KIF3A: variants seen among roughly 807,000 people sequenced by gnomAD.
The protein encoded by KIF3A is kinesin family member 3A, also known as kinesin-like protein KIF3A.
In KIF3A, 27 loss-of-function variants were observed where a neutral mutation model predicts 92.6. The observed-to-expected ratio is 0.29, with a 90% CI of 0.21 to 0.40. KIF3A has a LOEUF of 0.40. Ranked by LOEUF, KIF3A falls within the 10% of genes least tolerant of loss-of-function variation. KIF3A has a pLI of 1.00. For synonymous variants in KIF3A, 250 were observed against 275.4 expected (o/e 0.91, Z 0.92); for missense variants, 581 against 872.6 (o/e 0.67, Z 4.21).
At chr5:132,736,317 G>A (rs1386356078) in intron 1 of KIF3A, among the ~76,000 whole-genome samples, 6 of 152,196 alleles carry the variant, frequency 3.9e-5, no homozygotes, top group Non-Finnish European at 7.4e-5. Context: ...CTCTTCTTGG[G>A]AGGAAAAAAA....
At chr5:132,734,592 A>G in intron 1 of KIF3A, 114 bp from the exon 2 acceptor site, 1 of 803,910 alleles carries the variant, frequency 1.2e-6, no homozygotes, top group Non-Finnish European at 1.9e-6. Flanking sequence ...TGCACACATT[A>G]AACACTTCAC....
At chr5:132,699,121 T>C in intron 18 of KIF3A, 50 bp downstream of exon 18, 1 of 1,555,116 alleles carries the variant, frequency 6.4e-7, no homozygotes, top group East Asian at 2.2e-5. Flanking sequence ...ATGTATCTAA[T>C]TAGAATACCT....
chr5:132,690,405 T>C (rs575448755), downstream of KIF3A, among the ~76,000 whole-genome samples: 1 of 151,546 alleles, frequency 6.6e-6, no homozygotes, highest in South Asian at 2.1e-4. Flanking sequence ...AACAAAGTCA[T>C]TTGAGACACA....
At chr5:132,724,806 A>AAAAATTAT (rs59476182) in intron 4 of KIF3A, among the ~76,000 whole-genome samples, 2 of 22,694 alleles carry the variant, frequency 8.8e-5, no homozygotes, top group African/African-American at 3.6e-4. Flanking sequence ...AAAAAAAAAA[A>AAAAATTAT]ATATATATAT....
Position 132,737,484 on chromosome 5 carries a change from G to C in KIF3A, c.-65C>G. 6.3e-7 allele frequency: 1 copy of C among 1,580,144 alleles called. No individual in the cohort carries two copies. The highest frequency in any genetic ancestry group is 8.6e-7 in the Non-Finnish European group (1 of 1,161,706). Reference sequence around the variant, plus strand: ...GGTGCAGCCCAGCGACACCGGGTGCGCAGAAAGGATGGCCAGAGACTACCG... The same window carrying C: ...GGTGCAGCCCAGCGACACCGGGTGCCCAGAAAGGATGGCCAGAGACTACCG... On this transcript the variant is annotated 5_prime_UTR_variant, in exon 1 of 19. Coordinates refer to ENST00000403231, the MANE Select transcript of KIF3A (RefSeq NM_001300791.2).
Position 132,703,101 on chromosome 5 carries a change from A to T in KIF3A, c.1467-36T>A, listed in dbSNP as rs113292672. 627 of 1,506,396 alleles carry T rather than the reference A, an allele frequency of 4.2e-4. 6 individuals are homozygous for T. The African/African-American group carries it at 7.2e-3, about 17-fold the overall frequency. The allele number at this position is 1,506,396 out of a possible 1,614,324, so 93.3% of individuals were successfully genotyped here. A position where few individuals can be genotyped will look rare whatever the true frequency, so the allele number is the denominator to read the frequency against. ...GAATGAGAATACTCTATATTCACTG[A>T]TGATCTATTATTCTACTAATATCAT... On this transcript the variant is annotated intron_variant, in intron 12 of 18. Coordinates refer to ENST00000403231, the MANE Select transcript of KIF3A (RefSeq NM_001300791.2).
rs1753630843 is a variant in KIF3A at position 132,716,571 on chromosome 5, A to G, written c.757-129T>C. On this transcript the variant is annotated intron_variant, in intron 6 of 18. Coordinates refer to ENST00000403231, the MANE Select transcript of KIF3A (RefSeq NM_001300791.2). ...TGATGCCTGAATTCACTTCAAAATAATATAGGAAAGGAAGAAGTGGGGGAG... is the reference window on the plus strand; with the variant it reads ...TGATGCCTGAATTCACTTCAAAATAGTATAGGAAAGGAAGAAGTGGGGGAG... 5 of 811,348 alleles carry G rather than the reference A, an allele frequency of 6.2e-6. No homozygotes were observed. The South Asian group carries it at 9.1e-5, about 15-fold the overall frequency. The allele number at this position is 811,348 out of a possible 1,614,324, so 50.3% of individuals were successfully genotyped here. A position where few individuals can be genotyped will look rare whatever the true frequency, so the allele number is the denominator to read the frequency against.
At chr5:132,730,407 C>T (rs1754186406) in intron 2 of KIF3A, among the ~76,000 whole-genome samples, 1 of 149,056 alleles carries the variant, frequency 6.7e-6, no homozygotes, top group Non-Finnish European at 1.5e-5. Flanking sequence ...GCAGAGGAGA[C>T]AGTGAGCCGA....
chr5:132,702,004 GTATT>G (rs1363454056), intron 15 of KIF3A, 79 bp downstream of exon 15: 15 of 1,352,868 alleles, frequency 1.1e-5, no homozygotes, highest in Non-Finnish European at 1.5e-5. Context: ...GAAGTATTAA[GTATT>G]TATCATCAGT....
intron 3 of KIF3A, 24 bp downstream of exon 3, chr5:132,726,330 G>C: frequency 6.2e-7 from 1 of 1,610,542 alleles, no homozygotes; most frequent in Non-Finnish European, 8.5e-7. Context: ...CTCAATATCA[G>C]AAAATAAAAG....
At chr5:132,731,712 CA>C (rs1203461823) in intron 2 of KIF3A, among the ~76,000 whole-genome samples, 2 of 150,462 alleles carry the variant, frequency 1.3e-5, no homozygotes, top group African/African-American at 5.0e-5. Context: ...TTGCAAACAA[CA>C]TTTTTTTTTT....
chr5:132,717,404 C>T (rs895731145), intron 5 of KIF3A, among the ~76,000 whole-genome samples: 1 of 151,988 alleles, frequency 6.6e-6, no homozygotes, highest in Non-Finnish European at 1.5e-5. Flanking sequence ...GCACAAGAAT[C>T]ACTTGAATCC....
At chr5:132,715,709 A>G (rs1581082740) in intron 8 of KIF3A, 48 bp downstream of exon 8, 1 of 1,427,802 alleles carries the variant, frequency 7.0e-7, no homozygotes, top group Non-Finnish European at 9.7e-7. Flanking sequence ...GTGGTTCAAC[A>G]ATGTATTTTT....
At chr5:132,736,202 G>A (rs1215763360) in intron 1 of KIF3A, among the ~76,000 whole-genome samples, 3 of 152,210 alleles carry the variant, frequency 2.0e-5, no homozygotes, top group Admixed American at 6.5e-5. Flanking sequence ...GTAGTCAAGA[G>A]GCTGAATTCA....
At chr5:132,723,720 C>T (rs1396915293) in intron 4 of KIF3A, 4 of 152,132 alleles carry the variant, frequency 2.6e-5, no homozygotes, top group Admixed American at 1.3e-4. Context: ...TAGGCAATAC[C>T]ATTCAGGACA....
At chr5:132,710,811 G>T in intron 9 of KIF3A, 148 bp downstream of exon 9, 1 of 1,050,124 alleles carries the variant, frequency 9.5e-7, no homozygotes, top group Non-Finnish European at 1.4e-6. Flanking sequence ...GAGAAAAAAT[G>T]CAAAGTTAAC....
Position 132,710,981 on chromosome 5 carries a change from T to G in KIF3A, c.1206A>C (p.Gly402=), listed in dbSNP as rs1753402473. The G allele has an allele frequency of 4.3e-6, 7 of 1,612,786 alleles. No individual in the cohort carries two copies. In the South Asian group the frequency reaches 5.5e-5, roughly 13 times the overall value. Residue 402 remains glycine, a synonymous_variant, in exon 9 of 19, where the codon GGA becomes GGC. Coordinates refer to ENST00000403231, the MANE Select transcript of KIF3A (RefSeq NM_001300791.2). ...DDEEGEVGED[G]EKRKKRRGSS... is the part of the protein sequence containing the mutation. ...TACCCCTTCTTTTTTTCCTTTTCTC[T>G]CCATCTTCTCCAACCTCACCCTCTT...
chr5:132,719,667 T>C (rs921206689), intron 5 of KIF3A, among the ~76,000 whole-genome samples: 1 of 151,982 alleles, frequency 6.6e-6, no homozygotes. Flanking sequence ...AATTTTTGTA[T>C]TTTTAGTAGA....
chr5:132,702,278 A>G, intron 14 of KIF3A, 66 bp from the exon 15 acceptor site: 1 of 1,476,910 alleles, frequency 6.8e-7, no homozygotes, highest in East Asian at 2.3e-5. Flanking sequence ...GCACCATCTC[A>G]CATAGGATGC....
Sources: gnomAD v4.1 joint callset for allele counts (sites outside exome capture counted in the v4.1 genomes callset) on GRCh38, gnomAD v4.1.1 for gene constraint, MANE v1.5 for transcripts, NCBI Gene and HGNC (gene_info 2026-07-23, HGNC 2026-07-21) for gene names.